Variants in IQCH observed in about 807,000 individuals in gnomAD.
The protein encoded by IQCH is IQ domain-containing protein H.
IQCH carries 98 observed loss-of-function variants against 117.0 expected under a neutral mutation model. The observed-to-expected ratio is 0.84, with a 90% CI of 0.71 to 0.99. IQCH has a LOEUF of 0.99. Ranked by LOEUF, IQCH falls within the 50% of genes least tolerant of loss-of-function variation. IQCH has a pLI of 0.00. For synonymous variants in IQCH, 412 were observed against 448.2 expected (o/e 0.92, Z 1.02); for missense variants, 1,102 against 1,243.8 (o/e 0.89, Z 1.72).
In IQCH at chr15:67,371,429, T is replaced by C. The variant is rs563992345; in HGVS notation, c.754-682T>C. 8.2e-5 allele frequency: 116 copies of C among 1,420,720 alleles called. 1 individual carries two copies. In the South Asian group the frequency reaches 1.9e-3, roughly 23 times the overall value. 88.0% of individuals were successfully genotyped at this position (1,420,720 alleles called of 1,614,324 possible). A position where few individuals can be genotyped will look rare whatever the true frequency, so the allele number is the denominator to read the frequency against. On this transcript the variant is annotated intron_variant, in intron 8 of 20. Transcript: ENST00000335894. ...ATGCTCCCTTGGTTTTGTTATCAGA[T>C]TTGTGATCCTAATCCACCTGGGACA...
chr15:67,497,147 G>A (rs186082106), intron 20 of IQCH, among the ~76,000 whole-genome samples: 3 of 151,798 alleles, frequency 2.0e-5, no homozygotes, highest in African/African-American at 2.4e-5. Context: ...ACCAGCCTAG[G>A]CAACATAGGC....
rs2082684790 is a variant in IQCH at position 67,457,410 on chromosome 15, A to C, written c.2506-7717A>C. On this transcript the variant is annotated intron_variant, in intron 16 of 20. Transcript: ENST00000335894. This position sits in a 1 kb window ranked among gnomAD's most constrained non-coding sequence, Gnocchi z 5.7. ...GCCTAAGAAAACGTGTTCTGTTTAT[A>C]ATAGCTGGGATTCTGAGGCCTGTAT... 6.6e-6 allele frequency among the ~76,000 whole-genome samples: 1 copy of C among 152,326 alleles called. No homozygotes were observed. Among genetic ancestry groups the C allele is most frequent in the Middle Eastern group, 3.4e-3 (1 of 294 alleles).
rs534891705 is a variant in IQCH, at chr15:67,437,053, G to A, written c.2505+15476G>A. 4.6e-5 allele frequency among the ~76,000 whole-genome samples: 7 copies of A among 152,056 alleles called. No individual in the cohort carries two copies. In the South Asian group the frequency reaches 1.5e-3, roughly 32 times the overall value. ...AGTCCCTCTCCACACTACTATAGCT[G>A]ATGCTTTCTGGAAAGCGCCACGTCC... On this transcript the variant is annotated intron_variant, in intron 16 of 20. Coordinates refer to ENST00000335894, the MANE Select transcript of IQCH (RefSeq NM_001031715.3).
chr15:67,309,282 A>G (rs1967467664), intron 4 of IQCH, among the ~76,000 whole-genome samples: 1 of 152,114 alleles, frequency 6.6e-6, no homozygotes, highest in African/African-American at 2.4e-5. Flanking sequence ...TTTAAAACAT[A>G]TTATTGTAGG....
At chr15:67,336,791 A>ACACAAACT (rs1968910871) in intron 4 of IQCH, among the ~76,000 whole-genome samples, 184 bp from the exon 5 acceptor site, 1 of 152,216 alleles carries the variant, frequency 6.6e-6, no homozygotes, top group Admixed American at 6.5e-5. Flanking sequence ...ATTTTAAATT[A>ACACAAACT]CACAAACTCC....
chr15:67,437,417 C>T (rs1033000834), intron 16 of IQCH, among the ~76,000 whole-genome samples: 6 of 152,162 alleles, frequency 3.9e-5, no homozygotes, highest in African/African-American at 1.4e-4. Flanking sequence ...CAGGCTGCAG[C>T]CCTAGACCTT....
intron 16 of IQCH, among the ~76,000 whole-genome samples, chr15:67,435,279 G>A (rs1008265594): frequency 4.6e-5 from 7 of 151,910 alleles, no homozygotes; most frequent in Non-Finnish European, 1.0e-4. Flanking sequence ...TTGGCCATTC[G>A]TATGTCTTTA....
At position 67,403,627 on chromosome 15, in the gene IQCH, C is replaced by T. The variant is rs897253252; in HGVS notation, c.2097+3322C>T. The T allele has an allele frequency of 3.9e-5, 6 of 152,122 alleles. No homozygotes were observed. The highest frequency in any genetic ancestry group is 7.3e-5 in the Non-Finnish European group (5 of 68,042). The allele number at this position is 152,122 out of a possible 1,614,324, so 9.4% of individuals were successfully genotyped here. A position where few individuals can be genotyped will look rare whatever the true frequency, so the allele number is the denominator to read the frequency against. On this transcript the variant is annotated intron_variant, in intron 14 of 20. Transcript: ENST00000335894. This position sits in a 1 kb window ranked among gnomAD's most constrained non-coding sequence, Gnocchi z 4.8. ...TGCACACACTCCAAACTCCACGTTC[C>T]CCAGTCGGGGGTATTTATTTTCATT... is the stretch of plus-strand genomic sequence containing the variant.
rs112928088 is a variant in IQCH, at chr15:67,422,098, CAA to C, written c.2505+535_2505+536del. 1.2e-4 allele frequency among the ~76,000 whole-genome samples: 15 copies of C among 124,354 alleles called. No individual in the cohort carries two copies. The highest frequency in any genetic ancestry group is 1.2e-4 in the African/African-American group (4 of 33,480). 81.6% of individuals were successfully genotyped at this position (124,354 alleles called of 152,430 possible). A position where few individuals can be genotyped will look rare whatever the true frequency, so the allele number is the denominator to read the frequency against. On this transcript the variant is annotated intron_variant, in intron 16 of 20. Transcript: ENST00000335894. The surrounding 1 kb of genome is among the most constrained non-coding windows in gnomAD (Gnocchi z 4.7). The stretch of plus-strand genomic sequence containing the variant: ...TGGGTGACAGAGTGAAACTCCATCT[CAA>C]AAAAAAAAAAAAATAGTGACTGAAT...
chr15:67,340,450 A>C (rs200911616), intron 5 of IQCH, among the ~76,000 whole-genome samples: 43,633 of 120,814 alleles, frequency 0.36, 6,706 homozygotes, highest in Non-Finnish European at 0.44. Flanking sequence ...AAAAAAAAAA[A>C]AAAAAAAAAA....
intron 14 of IQCH, among the ~76,000 whole-genome samples, chr15:67,402,657 T>C (rs1971712694): frequency 6.6e-6 from 1 of 152,184 alleles, no homozygotes; most frequent in South Asian, 2.1e-4. Context: ...AATTTCAGCT[T>C]CTTGATGAAA....
rs1221780791 is a variant in IQCH, at chr15:67,458,970, A to C, written c.2506-6157A>C. Among the ~76,000 whole-genome samples the C allele has an allele frequency of 6.6e-6, 1 of 152,224 alleles. No individual in the cohort carries two copies. The highest frequency in any genetic ancestry group is 2.4e-5 in the African/African-American group (1 of 41,454). ...CCTGTCTTTTTAAAAATTTTCGGCA[A>C]TATGATAAATATACACAATTCCCTG... is the stretch of plus-strand genomic sequence containing the variant. On this transcript the variant is annotated intron_variant, in intron 16 of 20. Coordinates refer to ENST00000335894, the MANE Select transcript of IQCH (RefSeq NM_001031715.3). The surrounding 1 kb of genome is among the most constrained non-coding windows in gnomAD (Gnocchi z 4.1).
intron 4 of IQCH, among the ~76,000 whole-genome samples, chr15:67,324,935 G>A (rs1458422967): frequency 3.3e-5 from 5 of 151,960 alleles, no homozygotes; most frequent in Non-Finnish European, 7.4e-5. Context: ...TGAGTTTCTA[G>A]GATCTGTAAG....
chr15:67,308,358 CA>C (rs1436673569), intron 4 of IQCH, among the ~76,000 whole-genome samples: 1 of 152,120 alleles, frequency 6.6e-6, no homozygotes, highest in Non-Finnish European at 1.5e-5. Context: ...TCTTTGAGAG[CA>C]GTTTAAAAAG....
At chr15:67,400,552 AG>A (rs1450104313) in intron 14 of IQCH, among the ~76,000 whole-genome samples, 3 of 139,562 alleles carry the variant, frequency 2.1e-5, no homozygotes, top group Non-Finnish European at 4.5e-5. Flanking sequence ...TGGTACAATC[AG>A]GGCTCACTGT....
chr15:67,371,642 G>A (rs1218404125), intron 8 of IQCH: 16 of 692,980 alleles, frequency 2.3e-5, no homozygotes, highest in Non-Finnish European at 3.9e-5. Context: ...TATGAAGTCA[G>A]AAACAATTTT....
chr15:67,493,437 G>A lies in IQCH; in HGVS notation c.2862-821G>A, dbSNP rs2083717628. On this transcript the variant is annotated intron_variant, in intron 19 of 20. Coordinates refer to ENST00000335894, the MANE Select transcript of IQCH (RefSeq NM_001031715.3). This position sits in a 1 kb window ranked among gnomAD's most constrained non-coding sequence, Gnocchi z 5.1. ...CTATCTCCGAAATCTTAAAGTGGAT[G>A]TTCAGGTTTATAAAGACGGCTGTTC... Among the ~76,000 whole-genome samples, 1 of 152,150 alleles carries A rather than the reference G, an allele frequency of 6.6e-6. No individual in the cohort carries two copies. The highest frequency in any genetic ancestry group is 1.5e-5 in the Non-Finnish European group (1 of 68,034).
chr15:67,368,491 A>G (rs1970411835), intron 8 of IQCH, among the ~76,000 whole-genome samples: 1 of 152,258 alleles, frequency 6.6e-6, no homozygotes, highest in South Asian at 2.1e-4. Flanking sequence ...TCTCTGAGGG[A>G]CATTCCATTC....
rs2140882535 is a variant in IQCH at position 67,406,702 on chromosome 15, A to G, written c.2097+6397A>G. 6.6e-6 allele frequency: 1 copy of G among 152,296 alleles called. No homozygotes were observed. The highest frequency in any genetic ancestry group is 2.4e-5 in the African/African-American group (1 of 41,562). The allele number at this position is 152,296 out of a possible 1,614,324, so 9.4% of individuals were successfully genotyped here. ...AGGTAGTTTGGCTTCCTGGGGTTCCATAGCCAGGGACACCTAGGTTAGACT... is the reference window on the plus strand; with the variant it reads ...AGGTAGTTTGGCTTCCTGGGGTTCCGTAGCCAGGGACACCTAGGTTAGACT... On this transcript the variant is annotated intron_variant, in intron 14 of 20. Coordinates refer to ENST00000335894, the MANE Select transcript of IQCH (RefSeq NM_001031715.3). This position sits in a 1 kb window ranked among gnomAD's most constrained non-coding sequence, Gnocchi z 4.5.
Sources: allele counts gnomAD v4.1 joint callset (sites outside exome capture counted in the v4.1 genomes callset), GRCh38; gene constraint gnomAD v4.1.1; non-coding constraint Gnocchi (gnomAD v3.1); transcripts MANE v1.5; gene names NCBI Gene and HGNC (gene_info 2026-07-23, HGNC 2026-07-21).